The following FMR1NB variants were observed in gnomAD, a reference collection of about 807,000 sequenced individuals.
FMR1NB encodes the protein FMR1 neighbor.
A neutral mutation model predicts 16.8 loss-of-function variants in FMR1NB; 10 were observed. That is an observed-to-expected ratio of 0.60 (90% CI 0.37 to 1.01). FMR1NB has a LOEUF of 1.01. Among genes scored for constraint, FMR1NB ranks in the 50% least tolerant of loss-of-function variants. The pLI is 0.01. For synonymous variants in FMR1NB, 83 were observed against 79.1 expected (o/e 1.05, Z -0.26); for missense variants, 205 against 204.8 (o/e 1.00, Z 0.00).
At chrX:148,020,243 A>C (rs1315217475) in intron 4 of FMR1NB, among the ~76,000 whole-genome samples, 1 of 111,249 alleles carries the variant, frequency 9.0e-6, no homozygotes, top group Non-Finnish European at 1.9e-5. Context: ...GGGCTCTTCT[A>C]TCAGCTTGTG....
intron 1 of FMR1NB, among the ~76,000 whole-genome samples, chrX:147,987,234 G>C (rs1204620890): frequency 9.0e-6 from 1 of 111,077 alleles, no homozygotes; most frequent in Non-Finnish European, 1.9e-5. Context: ...GAGACGATGG[G>C]GTTTTCTAAA....
chrX:147,991,647 C>CTTTTTTTTTTT (rs782065632), intron 1 of FMR1NB, among the ~76,000 whole-genome samples: 4 of 87,337 alleles, frequency 4.6e-5, no homozygotes, highest in Non-Finnish European at 6.5e-5. Context: ...GGCCTTCCTT[C>CTTTTTTTTTTT]TTTTTTTTTT....
chrX:148,006,227 G>T (rs1420596967), intron 2 of FMR1NB, among the ~76,000 whole-genome samples: 2 of 111,983 alleles, frequency 1.8e-5, no homozygotes, highest in African/African-American at 6.5e-5. Flanking sequence ...AATATGATAA[G>T]TGTTCACAAA....
rs781946588 is a variant in FMR1NB, at chrX:148,023,715, G to T, written c.633-1150G>T. On this transcript the variant is annotated intron_variant, in intron 4 of 5. Coordinates refer to ENST00000370467, the MANE Select transcript of FMR1NB (RefSeq NM_152578.3). Reference sequence around the variant, plus strand: ...AACATTACTATTTTTTTTGGCTTATGTTTAGTTCTTTAGAAAGTAAAAGCC... The same window carrying T: ...AACATTACTATTTTTTTTGGCTTATTTTTAGTTCTTTAGAAAGTAAAAGCC... Among the ~76,000 whole-genome samples the T allele has an allele frequency of 2.2e-3, 239 of 110,867 alleles. 1 individual carries two copies. The highest frequency in any genetic ancestry group is 7.3e-3 in the African/African-American group (222 of 30,502).
intron 4 of FMR1NB, among the ~76,000 whole-genome samples, chrX:148,023,440 A>T (rs1180230812): frequency 6.3e-5 from 7 of 111,320 alleles, no homozygotes. Context: ...TTAGGGGAGA[A>T]AAGTTAGTAT....
intron 4 of FMR1NB, among the ~76,000 whole-genome samples, chrX:148,018,135 A>T (rs1433903895): frequency 9.1e-6 from 1 of 110,262 alleles, no homozygotes; most frequent in Non-Finnish European, 1.9e-5. Flanking sequence ...ACAAGGGTTG[A>T]ACTAGTTTAC....
chrX:147,993,393 G>C (rs1042789410), intron 1 of FMR1NB, among the ~76,000 whole-genome samples: 1 of 83,120 alleles, frequency 1.2e-5, no homozygotes, highest in Middle Eastern at 6.1e-3. Context: ...GAGGGAGACC[G>C]TGGGGAGAGG....
chrX:148,010,101 A>ATT (rs199528103), intron 4 of FMR1NB, among the ~76,000 whole-genome samples: 72 of 110,180 alleles, frequency 6.5e-4, no homozygotes, highest in African/African-American at 2.4e-3. Context: ...GGTCCCCTGG[A>ATT]TTTTTTTTTC....
At chrX:148,018,912 C>T (rs1335468318) in intron 4 of FMR1NB, among the ~76,000 whole-genome samples, 1 of 111,284 alleles carries the variant, frequency 9.0e-6, no homozygotes, top group Non-Finnish European at 1.9e-5. Context: ...AGAAAATTTT[C>T]GCAACCTACT....
intron 1 of FMR1NB, among the ~76,000 whole-genome samples, chrX:147,997,646 G>T (rs782543868): frequency 8.9e-5 from 10 of 111,906 alleles, no homozygotes; most frequent in South Asian, 3.7e-4. Context: ...CTCAGTAAAA[G>T]AAACTATCAT....
At chrX:147,994,709 C>A (rs1307545257) in intron 1 of FMR1NB, among the ~76,000 whole-genome samples, 1 of 112,176 alleles carries the variant, frequency 8.9e-6, no homozygotes, top group South Asian at 3.7e-4. Context: ...TTCTTTATTT[C>A]CAGGAGTACT....
chrX:147,992,114 G>A (rs1037187194), intron 1 of FMR1NB, among the ~76,000 whole-genome samples: 1 of 111,294 alleles, frequency 9.0e-6, no homozygotes, highest in Non-Finnish European at 1.9e-5. Flanking sequence ...CACCTTTCCC[G>A]CCTTTCTACT....
chrX:148,006,796 A>C lies in FMR1NB; in HGVS notation c.492A>C (p.Ser164=). 8.3e-7 allele frequency: 1 copy of C among 1,211,173 alleles called. No homozygotes were observed. The highest frequency in any genetic ancestry group is 1.1e-6 in the Non-Finnish European group (1 of 895,176). ...SECLRHKCCF[S]SSGTTSFKCF... is the part of the protein sequence containing the mutation. ...GTTTGAGACACAAATGCTGTTTTTC[A>C]TCATCGGGGACCACGAGCTTCAAAT... is the stretch of plus-strand genomic sequence containing the variant. The change falls in exon 3 of 6, where the codon TCA becomes TCC. Residue 164 remains serine, a synonymous_variant. Coordinates refer to ENST00000370467, the MANE Select transcript of FMR1NB (RefSeq NM_152578.3).
intron 4 of FMR1NB, among the ~76,000 whole-genome samples, chrX:148,012,550 A>AT (rs1173257124): frequency 1.4e-4 from 15 of 110,055 alleles, no homozygotes; most frequent in Admixed American, 4.9e-4. Flanking sequence ...TAAAATGTCT[A>AT]TTTTTTTTTG....
chrX:148,008,430 G>T (rs2044607756), intron 3 of FMR1NB, among the ~76,000 whole-genome samples, 188 bp from the exon 4 acceptor site: 1 of 112,041 alleles, frequency 8.9e-6, no homozygotes, highest in Non-Finnish European at 1.9e-5. Flanking sequence ...GCCTTCAGTT[G>T]TATTTCAAGA....
intron 4 of FMR1NB, among the ~76,000 whole-genome samples, chrX:148,021,397 CT>C (rs781961309): frequency 0.06 from 5,457 of 90,577 alleles, 188 homozygotes; most frequent in Middle Eastern, 0.12. Context: ...TATGAAGGGG[CT>C]TTTTTTTTTT....
intron 4 of FMR1NB, among the ~76,000 whole-genome samples, chrX:148,019,242 C>T (rs1265731528): frequency 1.8e-5 from 2 of 112,245 alleles, no homozygotes; most frequent in African/African-American, 6.5e-5. Context: ...AGAATTTCTG[C>T]CTGATTATTT....
intron 1 of FMR1NB, among the ~76,000 whole-genome samples, chrX:147,982,018 G>A (rs2044450620): frequency 8.9e-6 from 1 of 111,852 alleles, no homozygotes; most frequent in African/African-American, 3.2e-5. Flanking sequence ...GACAAGGCAC[G>A]GTGGCTCACA....
At chrX:148,007,350 C>T (rs1296942704) in intron 3 of FMR1NB, among the ~76,000 whole-genome samples, 2 of 111,926 alleles carry the variant, frequency 1.8e-5, no homozygotes, top group African/African-American at 6.5e-5. Flanking sequence ...ACAGTGGTGA[C>T]GTGATCACAG....
Sources: allele counts gnomAD v4.1 joint callset (sites outside exome capture counted in the v4.1 genomes callset), GRCh38; gene constraint gnomAD v4.1.1; transcripts MANE v1.5; gene names NCBI Gene and HGNC (gene_info 2026-07-23, HGNC 2026-07-21).